ACACB: variants seen among roughly 807,000 people sequenced by gnomAD.
The protein encoded by ACACB is acetyl-CoA carboxylase beta.
A neutral mutation model predicts 278.8 loss-of-function variants in ACACB; 209 were observed. The observed-to-expected ratio is 0.75, with a 90% confidence interval of 0.67 to 0.84. The LOEUF (loss-of-function observed/expected upper bound fraction) is 0.84. ACACB is among the 40% of genes least tolerant of loss of function. The pLI is 0.00. For synonymous variants in ACACB, 1,174 were observed against 1,285.6 expected (o/e 0.91, Z 1.86); for missense variants, 2,850 against 3,269.0 (o/e 0.87, Z 3.13).
At chr12:109,174,504 G>GT (rs1355629658) in intron 7 of ACACB, among the ~76,000 whole-genome samples, 1 of 149,500 alleles carries the variant, frequency 6.7e-6, no homozygotes, top group Non-Finnish European at 1.5e-5. Flanking sequence ...TTATTACATT[G>GT]TAGGTATCTA....
intron 50 of ACACB, among the ~76,000 whole-genome samples, chr12:109,264,894 T>C (rs370030440): frequency 3.3e-5 from 5 of 152,172 alleles, no homozygotes; most frequent in African/African-American, 9.6e-5. Context: ...ATGGGGGACA[T>C]TTTTTCAACT....
At position 109,239,589 on chromosome 12, in the gene ACACB, A is replaced by G. The variant is rs530198168; in HGVS notation, c.4663-241A>G. Among the ~76,000 whole-genome samples, 21 of 152,388 alleles carry G rather than the reference A, an allele frequency of 1.4e-4. 2 individuals carry two copies. In the South Asian group the frequency reaches 4.1e-3, roughly 30 times the overall value. On this transcript the variant is annotated intron_variant, in intron 34 of 52. Transcript: ENST00000338432. ...GTGTCCCCAGGTATGATCCAGGGTC[A>G]GCAAGGCCCCAGGTGTCAAAGTGTC...
chr12:109,188,019 G>A lies in ACACB; in HGVS notation c.2001G>A (p.Gly667=). The part of the protein sequence containing the change: ...NPDEGFKPSS[G]TVQELNFRSS... ...TCCAGGGTTTTAAGCCGAGCTCCGG[G>A]ACTGTCCAGGAACTGAATTTCCGGA... is the stretch of plus-strand genomic sequence containing the variant. The change falls in exon 13 of 53, where the codon GGG becomes GGA. Residue 667 remains glycine, a synonymous_variant. Coordinates refer to ENST00000338432, the MANE Select transcript of ACACB (RefSeq NM_001093.4). 6.2e-7 allele frequency: 1 copy of A among 1,606,738 alleles called. No individual in the cohort carries two copies. The highest frequency in any genetic ancestry group is 2.2e-5 in the East Asian group (1 of 44,590).
chr12:109,145,791 G>A lies in ACACB; in HGVS notation c.653+5733G>A, dbSNP rs181825849. ...CGAGGGGGGCGGATCACAAGGTCAG[G>A]AGTTTGAGACCAGCCTGGCCAACAC... is the stretch of plus-strand genomic sequence containing the variant. On this transcript the variant is annotated intron_variant, in intron 2 of 52. Coordinates refer to ENST00000338432, the MANE Select transcript of ACACB (RefSeq NM_001093.4). 9.5e-4 allele frequency among the ~76,000 whole-genome samples: 144 copies of A among 151,822 alleles called. 1 individual carries two copies. The highest frequency in any genetic ancestry group is 3.3e-3 in the African/African-American group (138 of 41,390).
chr12:109,265,736 A>G (rs2047502897), intron 52 of ACACB, among the ~76,000 whole-genome samples: 1 of 152,220 alleles, frequency 6.6e-6, no homozygotes, highest in Non-Finnish European at 1.5e-5. Context: ...CAGAGAGCCT[A>G]GAGGTACTCT....
chr12:109,155,939 A>AC (rs1359400466), intron 2 of ACACB, among the ~76,000 whole-genome samples: 1 of 152,188 alleles, frequency 6.6e-6, no homozygotes, highest in East Asian at 1.9e-4. Context: ...GAGTGGTGGG[A>AC]CAGAGACTGA....
chr12:109,155,225 G>A (rs1476228528), intron 2 of ACACB, among the ~76,000 whole-genome samples: 1 of 152,108 alleles, frequency 6.6e-6, no homozygotes, highest in Non-Finnish European at 1.5e-5. Flanking sequence ...CCTTGCGCAG[G>A]GGCACGCCTT....
At chr12:109,260,795 G>A in intron 48 of ACACB, 138 bp downstream of exon 48, 1 of 931,430 alleles carries the variant, frequency 1.1e-6, no homozygotes, top group Non-Finnish European at 1.5e-6. Flanking sequence ...TTCTTTCATG[G>A]TTTCCACTTC....
chr12:109,148,847 AAG>A (rs2043304461), intron 2 of ACACB, among the ~76,000 whole-genome samples: 1 of 152,170 alleles, frequency 6.6e-6, no homozygotes, highest in Non-Finnish European at 1.5e-5. Context: ...AGGGACTGTA[AAG>A]AGTGTCTCCA....
chr12:109,206,718 G>T lies in ACACB; in HGVS notation c.2922G>T (p.Pro974=), dbSNP rs17848813. The T allele has an allele frequency of 1.9e-5, 31 of 1,613,858 alleles. No homozygotes were observed. The East Asian group carries it at 6.9e-4, about 36-fold the overall frequency. Residue 974 remains proline, a synonymous_variant, in exon 20 of 53, where the codon CCG becomes CCT. Coordinates refer to ENST00000338432, the MANE Select transcript of ACACB (RefSeq NM_001093.4). ...TTGTGGTGTCTCATCAGGCTGAACC[G>T]TTCACAGGAGAACTCCCTGCCCAGC... The part of the protein sequence containing the change: ...DDPSKVHPAE[P]FTGELPAQQT...
In ACACB at chr12:109,259,103, T is replaced by A; in HGVS notation, c.6491T>A (p.Met2164Lys). ...AACTGGAGGGGGTTCTCCGGTGGCA[T>A]GAAAGGTAAGCCCCTCCCTGCCTAT... ...FANWRGFSGG[M>K]KDMYDQVLKF... The change falls in exon 47 of 53, where the codon ATG becomes AAG. Residue 2164 changes from methionine (M) to lysine (K), a missense_variant. Transcript: ENST00000338432. 1 of 1,613,832 alleles carries A rather than the reference T, an allele frequency of 6.2e-7. No individual in the cohort carries two copies. The highest frequency in any genetic ancestry group is 8.5e-7 in the Non-Finnish European group (1 of 1,179,906).
intron 24 of ACACB, among the ~76,000 whole-genome samples, chr12:109,220,684 TG>T (rs2046134643): frequency 6.6e-6 from 1 of 152,110 alleles, no homozygotes; most frequent in Non-Finnish European, 1.5e-5. Flanking sequence ...CCCGAGTAGC[TG>T]GGACTACAGG....
intron 24 of ACACB, among the ~76,000 whole-genome samples, chr12:109,220,807 G>A (rs930279921): frequency 1.3e-5 from 2 of 152,134 alleles, no homozygotes; most frequent in African/African-American, 2.4e-5. Context: ...TGTCCGCCTT[G>A]GCCTCCCAAA....
chr12:109,166,934 A>T lies in ACACB; in HGVS notation c.727A>T (p.Thr243Ser). The T allele has an allele frequency of 6.2e-7, 1 of 1,613,918 alleles. No homozygotes were observed. The highest frequency in any genetic ancestry group is 8.5e-7 in the Non-Finnish European group (1 of 1,179,996). The stretch of plus-strand genomic sequence containing the variant: ...GAAGCTGGACCTGCACAGAGACTTT[A>T]CCGTGGCTTCTCCCGCTGAGTTTGT... ...HKKLDLHRDF[T>S]VASPAEFVTR... Residue 243 changes from threonine (T) to serine (S), a missense_variant, in exon 3 of 53, where the codon ACC (threonine) becomes TCC (serine). Coordinates refer to ENST00000338432, the MANE Select transcript of ACACB (RefSeq NM_001093.4).
chr12:109,164,113 A>G (rs1272938695), intron 2 of ACACB, among the ~76,000 whole-genome samples: 1 of 152,196 alleles, frequency 6.6e-6, no homozygotes, highest in African/African-American at 2.4e-5. Flanking sequence ...AAGCATCTGG[A>G]TATGAAAAAA....
At chr12:109,150,851 A>G (rs2043351535) in intron 2 of ACACB, among the ~76,000 whole-genome samples, 1 of 152,206 alleles carries the variant, frequency 6.6e-6, no homozygotes, top group Admixed American at 6.5e-5. Context: ...ATCTTCCTGT[A>G]ATGTTTAATT....
chr12:109,209,497 T>C, intron 21 of ACACB, 144 bp downstream of exon 21: 1 of 809,596 alleles, frequency 1.2e-6, no homozygotes, highest in Non-Finnish European at 1.9e-6. Context: ...GAGGGTTTCC[T>C]TTTGAGCCTT....
At chr12:109,140,880 T>G (rs1449432617) in intron 2 of ACACB, among the ~76,000 whole-genome samples, 1 of 144,346 alleles carries the variant, frequency 6.9e-6, no homozygotes, top group East Asian at 2.2e-4. Context: ...GAGACATTGA[T>G]TCATTCATTC....
chr12:109,155,102 C>T (rs551374759), intron 2 of ACACB, among the ~76,000 whole-genome samples: 1 of 152,232 alleles, frequency 6.6e-6, no homozygotes, highest in South Asian at 2.1e-4. Flanking sequence ...AGATGATGCC[C>T]GCCTTGGAAA....
Sources: allele counts gnomAD v4.1 joint callset (sites outside exome capture counted in the v4.1 genomes callset), GRCh38; gene constraint gnomAD v4.1.1; transcripts MANE v1.5; gene names NCBI Gene and HGNC (gene_info 2026-07-23, HGNC 2026-07-21).